CCDC144A: variants seen among roughly 807,000 people sequenced by gnomAD.
The protein encoded by CCDC144A is coiled-coil domain containing 144A.
In CCDC144A, 41 loss-of-function variants were observed where a neutral mutation model predicts 143.8. The observed-to-expected ratio is 0.29, with a 90% CI of 0.22 to 0.37. CCDC144A has a LOEUF of 0.37. Among genes scored for constraint, CCDC144A ranks in the 10% least tolerant of loss-of-function variants. CCDC144A has a pLI of 1.00. For synonymous variants in CCDC144A, 242 were observed against 517.9 expected (o/e 0.47, Z 7.23); for missense variants, 637 against 1,488.8 (o/e 0.43, Z 9.41).
chr17:16,766,511 G>A (rs1915602070), intron 15 of CCDC144A: 1 of 152,550 alleles, frequency 6.6e-6, no homozygotes, highest in Admixed American at 6.5e-5. Context: ...GGAGGCCAAG[G>A]TGGGTGGATC....
chr17:16,739,214 AT>A (rs1267240090), intron 12 of CCDC144A, among the ~76,000 whole-genome samples: 4 of 132,108 alleles, frequency 3.0e-5, no homozygotes, highest in African/African-American at 1.3e-4. Flanking sequence ...GTTTCCAAAT[AT>A]TTTCAATGGC....
At position 16,690,589 on chromosome 17, in the gene CCDC144A, G is replaced by A; in HGVS notation, c.189G>A (p.Lys63=). Residue 63 remains lysine, a synonymous_variant, in exon 1 of 17, where the codon AAG becomes AAA. Coordinates refer to ENST00000399273, the MANE Select transcript of CCDC144A (RefSeq NM_001382000.1). ...AAAACAGCGTCGGCAGCGAGAGCAA[G>A]CACGGTGAGGGCGCCTTAGACCAGC... is the stretch of plus-strand genomic sequence containing the variant. The part of the protein sequence containing the change: ...WWKNSVGSES[K]HGEGALDQPQ... 6.2e-7 allele frequency: 1 copy of A among 1,613,764 alleles called. No homozygotes were observed. The highest frequency in any genetic ancestry group is 8.5e-7 in the Non-Finnish European group (1 of 1,179,858).
At position 16,734,869 on chromosome 17, in the gene CCDC144A, T is replaced by C; in HGVS notation, c.2598T>C (p.Ile866=). The C allele has an allele frequency of 6.4e-7, 1 of 1,566,972 alleles. No individual in the cohort carries two copies. Among genetic ancestry groups the C allele is most frequent in the Non-Finnish European group, 8.6e-7 (1 of 1,158,794 alleles). ...AAAAGAATGATAACCTTCAAAAAAT[T>C]ATAAAACTAAATGAGGAAACATTAA... ...VKEKNDNLQK[I]IKLNEETLTE... The change falls in exon 12 of 17, where the codon ATT becomes ATC. Residue 866 remains isoleucine, a synonymous_variant. Coordinates refer to ENST00000399273, the MANE Select transcript of CCDC144A (RefSeq NM_001382000.1).
chr17:16,770,850 T>C (rs1209410101), intron 15 of CCDC144A, among the ~76,000 whole-genome samples: 4 of 151,858 alleles, frequency 2.6e-5, no homozygotes, highest in African/African-American at 9.7e-5. Flanking sequence ...TTGAAAAGGA[T>C]CATTTCTTGA....
chr17:16,759,794 G>A (rs1221150304), intron 12 of CCDC144A, among the ~76,000 whole-genome samples: 4 of 152,224 alleles, frequency 2.6e-5, no homozygotes, highest in African/African-American at 4.8e-5. Flanking sequence ...TCTATATGTA[G>A]TGTCAATATC....
In CCDC144A at chr17:16,709,471, A is replaced by G; in HGVS notation, c.1414A>G (p.Lys472Glu). The G allele has an allele frequency of 1.2e-6, 2 of 1,611,602 alleles. No individual in the cohort carries two copies. The highest frequency in any genetic ancestry group is 1.7e-6 in the Non-Finnish European group (2 of 1,179,602). ...STNNYKSLKPKLENLSSLPPD... is the reference protein window; with the variant it reads ...STNNYKSLKPELENLSSLPPD... ...AAACAACTATAAAAGCCTGAAACCT[A>G]AATTAGAAAATCTGAGTTCTTTACC... Residue 472 changes from lysine (K) to glutamate (E), a missense_variant, in exon 5 of 17, where the codon AAA (lysine) becomes GAA (glutamate). Coordinates refer to ENST00000399273, the MANE Select transcript of CCDC144A (RefSeq NM_001382000.1).
chr17:16,688,721 C>G (rs1185895589), upstream of CCDC144A, among the ~76,000 whole-genome samples: 5 of 152,028 alleles, frequency 3.3e-5, no homozygotes, highest in South Asian at 6.2e-4. Context: ...ATCTCTTGAC[C>G]TCATGATCTA....
At chr17:16,759,294 T>A (rs1199021999) in intron 12 of CCDC144A, among the ~76,000 whole-genome samples, 1 of 152,282 alleles carries the variant, frequency 6.6e-6, no homozygotes, top group African/African-American at 2.4e-5. Context: ...TTACAGTGAC[T>A]TTATCCTGAT....
At chr17:16,701,721 G>A (rs1352668841) in intron 2 of CCDC144A, among the ~76,000 whole-genome samples, 1 of 151,618 alleles carries the variant, frequency 6.6e-6, no homozygotes, top group East Asian at 1.9e-4. Flanking sequence ...ATCAGAACAG[G>A]ATCTGATGGC....
the CCDC144A span, among the ~76,000 whole-genome samples, chr17:16,678,547 T>C: frequency 2.4e-4 from 37 of 151,784 alleles, no homozygotes; most frequent in Non-Finnish European, 2.8e-4. Flanking sequence ...AACTGAATTT[T>C]GAATCTCTGT....
chr17:16,751,270 T>C (rs190591236), intron 12 of CCDC144A, among the ~76,000 whole-genome samples: 5 of 152,212 alleles, frequency 3.3e-5, no homozygotes, highest in South Asian at 4.1e-4. Context: ...ATTGGCCTTT[T>C]TTTCTGGGTG....
Position 16,773,563 on chromosome 17 carries a change from T to G in CCDC144A, c.4208T>G (p.Leu1403Arg). The G allele has an allele frequency of 6.5e-7, 1 of 1,547,024 alleles. No individual in the cohort carries two copies. The highest frequency in any genetic ancestry group is 1.2e-5 in the South Asian group (1 of 82,980). Residue 1403 changes from leucine (L) to arginine (R), a missense_variant, in exon 17 of 17, where the codon CTG becomes CGG. Transcript: ENST00000399273. ...CTAGGATTTACACACAAGGAAAATC[T>G]GAATCAAGATCCAGTTTTGGAAGTA... is the stretch of plus-strand genomic sequence containing the variant. ...SPLGFTHKEN[L>R]NQDPVLEVTK...
the CCDC144A span, among the ~76,000 whole-genome samples, chr17:16,679,089 G>C: frequency 4.7e-5 from 3 of 63,916 alleles, no homozygotes; most frequent in East Asian, 2.4e-3. Flanking sequence ...TAGAGATGGC[G>C]GGGGGGGGTC....
At chr17:16,759,044 A>G (rs1915234167) in intron 12 of CCDC144A, among the ~76,000 whole-genome samples, 1 of 152,228 alleles carries the variant, frequency 6.6e-6, no homozygotes, top group Non-Finnish European at 1.5e-5. Context: ...AAGGTCTTAA[A>G]ATAGAGCCTT....
At chr17:16,765,936 G>A (rs1915576528) in intron 15 of CCDC144A, 1 of 152,248 alleles carries the variant, frequency 6.6e-6, no homozygotes, top group Non-Finnish European at 1.5e-5. Context: ...CAAAATTTGA[G>A]ACAAGTCTCA....
the CCDC144A span, chr17:16,683,815 G>A: frequency 1.1e-4 from 159 of 1,435,008 alleles, 6 homozygotes; most frequent in South Asian, 1.8e-3. Flanking sequence ...GCGTGAAGCC[G>A]AGCGTGAAGC....
chr17:16,721,869 C>A (rs1457082685), intron 8 of CCDC144A, among the ~76,000 whole-genome samples: 1 of 152,126 alleles, frequency 6.6e-6, no homozygotes, highest in Non-Finnish European at 1.5e-5. Context: ...TTTACCCATC[C>A]CTATTATGTG....
chr17:16,760,054 A>G (rs1381460643), intron 12 of CCDC144A, among the ~76,000 whole-genome samples: 1 of 152,232 alleles, frequency 6.6e-6, no homozygotes, highest in Non-Finnish European at 1.5e-5. Flanking sequence ...ACCTACCTAC[A>G]TGAGGGTTCA....
At chr17:16,766,740 A>G (rs1597596490) in intron 15 of CCDC144A, among the ~76,000 whole-genome samples, 2 of 152,184 alleles carry the variant, frequency 1.3e-5, no homozygotes, top group African/African-American at 4.8e-5. Context: ...ACTCCATCTC[A>G]TGGGTGGGGG....
Sources: gnomAD v4.1 joint callset for allele counts (sites outside exome capture counted in the v4.1 genomes callset) on GRCh38, gnomAD v4.1.1 for gene constraint, MANE v1.5 for transcripts, NCBI Gene and HGNC (gene_info 2026-07-23, HGNC 2026-07-21) for gene names.